The following ATP7A variants were observed in gnomAD, a reference collection of about 807,000 sequenced individuals.
ATP7A encodes copper-transporting ATPase 1.
Under a neutral mutation model 83.5 loss-of-function variants are expected in ATP7A, and 7 were observed. That is an observed-to-expected ratio of 0.08 (90% CI 0.05 to 0.16). The LOEUF is 0.16. Among genes scored for constraint, ATP7A ranks in the 10% least tolerant of loss-of-function variants. ATP7A has a pLI of 1.00. For missense variants in ATP7A, 940 were observed against 1,120.8 expected, an observed-to-expected ratio of 0.84 and a Z score of 2.30; for synonymous variants, 354 against 395.2, an observed-to-expected ratio of 0.90 and a Z score of 1.24.
rs1370242888 is a variant in ATP7A at position 78,023,796 on chromosome X, G to A, written c.2916+2717G>A. On this transcript the variant is annotated intron_variant, in intron 14 of 22. Transcript: ENST00000341514. ...TCTTTTGTTGTGCAGAAGCTCTTTC[G>A]TTTAATTAAATCTCCTTTATTAATT... 1.1e-4 allele frequency among the ~76,000 whole-genome samples: 12 copies of A among 111,425 alleles called. No individual in the cohort carries two copies. The South Asian group carries it at 1.1e-3, about 10-fold the overall frequency.
At chrX:78,039,470 T>A (rs1490504033) in intron 18 of ATP7A, among the ~76,000 whole-genome samples, 1 of 110,893 alleles carries the variant, frequency 9.0e-6, no homozygotes, top group Non-Finnish European at 1.9e-5. Flanking sequence ...GTAGCTGGGA[T>A]TACAGGCGCG....
chrX:78,031,316 T>C, intron 15 of ATP7A, 84 bp from the exon 16 acceptor site: 2 of 955,359 alleles, frequency 2.1e-6, no homozygotes, highest in South Asian at 4.0e-5. Flanking sequence ...AATAGTCATC[T>C]CTTTGTCAAA....
At chrX:78,030,483 T>C (rs2077975955) in intron 15 of ATP7A, among the ~76,000 whole-genome samples, 1 of 110,211 alleles carries the variant, frequency 9.1e-6, no homozygotes, top group Admixed American at 9.7e-5. Flanking sequence ...TTTACTGCAG[T>C]CGTTGGGCTC....
chrX:78,017,765 CTTTTTTTTTTTTTTT>C (rs1176316040), intron 12 of ATP7A, among the ~76,000 whole-genome samples: 72 of 45,867 alleles, frequency 1.6e-3, no homozygotes, highest in Non-Finnish European at 2.0e-3. Flanking sequence ...TTTCTTGTTT[CTTTTTTTTTTTTTTT>C]TTTTTTTTTT....
intron 1 of ATP7A, among the ~76,000 whole-genome samples, chrX:77,957,269 G>C (rs927943779): frequency 9.1e-6 from 1 of 110,480 alleles, no homozygotes; most frequent in Non-Finnish European, 1.9e-5. Flanking sequence ...TAGGGTACAT[G>C]TGCACAACGT....
At chrX:77,965,560 T>C in intron 1 of ATP7A, 1 of 165,428 alleles carries the variant, frequency 6.0e-6, no homozygotes, top group Non-Finnish European at 1.2e-5. Context: ...CTCATGGGAG[T>C]ATAAATGGTA....
rs2149096806 is a variant in ATP7A, at chrX:78,014,658, A to G, written c.2407-4A>G. 5.0e-6 allele frequency: 6 copies of G among 1,200,444 alleles called. No individual in the cohort carries two copies. Among genetic ancestry groups the G allele is most frequent in the Non-Finnish European group, 6.8e-6 (6 of 886,522 alleles). On this transcript the variant is annotated splice_region_variant and splice_polypyrimidine_tract_variant and intron_variant, in intron 10 of 22. Transcript: ENST00000341514. ...ATTTTCAATGTGTTTGTTTTAATTT[A>G]TAGGGCAAAACATCAGAGGCTCTTG...
intron 1 of ATP7A, among the ~76,000 whole-genome samples, chrX:77,954,132 CTG>C (rs1489884710): frequency 9.0e-6 from 1 of 111,239 alleles, no homozygotes; most frequent in African/African-American, 3.3e-5. Context: ...ATAAAAAAAA[CTG>C]TTATTTATTT....
At chrX:77,920,573 T>C (rs2077208344) in intron 1 of ATP7A, among the ~76,000 whole-genome samples, 2 of 111,105 alleles carry the variant, frequency 1.8e-5, no homozygotes, top group Admixed American at 1.9e-4. Flanking sequence ...TTTGGTTTTC[T>C]GGTCTGCGTT....
intron 2 of ATP7A, among the ~76,000 whole-genome samples, chrX:77,987,448 G>C (rs1445151818): frequency 1.0e-5 from 1 of 98,405 alleles, no homozygotes; most frequent in Non-Finnish European, 2.1e-5. Context: ...CAGTATTTGT[G>C]TGTGTGTGTG....
chrX:77,956,797 C>CT (rs376461587), intron 1 of ATP7A, among the ~76,000 whole-genome samples: 90 of 82,677 alleles, frequency 1.1e-3, no homozygotes, highest in East Asian at 9.1e-3. Context: ...CTCTTTCTTT[C>CT]TTTTTTTTTT....
chrX:78,030,629 A>G (rs1672767193), intron 15 of ATP7A, among the ~76,000 whole-genome samples: 1 of 109,154 alleles, frequency 9.2e-6, no homozygotes, highest in Non-Finnish European at 1.9e-5. Context: ...AATGTGCTTT[A>G]TAGCTATTTT....
chrX:77,974,199 A>G (rs2077564320), intron 2 of ATP7A, among the ~76,000 whole-genome samples: 1 of 109,127 alleles, frequency 9.2e-6, no homozygotes, highest in Non-Finnish European at 1.9e-5. Context: ...GCTGGAGTAC[A>G]GTGGCACAAT....
intron 1 of ATP7A, among the ~76,000 whole-genome samples, chrX:77,942,512 G>A (rs1479694304): frequency 1.8e-5 from 2 of 109,890 alleles, no homozygotes; most frequent in Non-Finnish European, 3.8e-5. Context: ...GCAGTGGGGC[G>A]AGCATGGCTT....
At chrX:78,015,405 A>C (rs1185461625) in intron 11 of ATP7A, among the ~76,000 whole-genome samples, 1 of 112,499 alleles carries the variant, frequency 8.9e-6, no homozygotes, top group Non-Finnish European at 1.9e-5. Context: ...ACTTGATTAT[A>C]TTTCATTCTT....
chrX:77,935,057 C>T (rs1251495884), intron 1 of ATP7A, among the ~76,000 whole-genome samples: 1 of 110,079 alleles, frequency 9.1e-6, no homozygotes, highest in Middle Eastern at 4.2e-3. Flanking sequence ...AGCAATCCCC[C>T]TGCGTTGGCC....
intron 1 of ATP7A, among the ~76,000 whole-genome samples, chrX:77,959,498 A>C (rs1196087931): frequency 9.0e-6 from 1 of 111,670 alleles, no homozygotes; most frequent in Non-Finnish European, 1.9e-5. Context: ...CTTGTCCATT[A>C]CAGGATAATT....
intron 5 of ATP7A, among the ~76,000 whole-genome samples, chrX:77,999,467 G>T (rs781876309): frequency 8.9e-6 from 1 of 112,185 alleles, no homozygotes; most frequent in Admixed American, 9.5e-5. Context: ...TTGTATACAA[G>T]TGTTAATTTT....
At chrX:77,969,268 G>A (rs1195024554) in intron 1 of ATP7A, 2 of 1,210,206 alleles carry the variant, frequency 1.7e-6, no homozygotes, top group Admixed American at 2.2e-5. Flanking sequence ...CTCCATCGGA[G>A]GTGGTGGGAC....
Sources: allele counts gnomAD v4.1 joint callset (sites outside exome capture counted in the v4.1 genomes callset), GRCh38; gene constraint gnomAD v4.1.1; transcripts MANE v1.5; gene names NCBI Gene and HGNC (gene_info 2026-07-23, HGNC 2026-07-21).